The following TOX variants were observed in gnomAD, a reference collection of about 807,000 sequenced individuals.
TOX encodes thymocyte selection-associated high mobility group box protein TOX.
A neutral mutation model predicts 53.7 loss-of-function variants in TOX; 11 were observed. That is an observed-to-expected ratio of 0.20 (90% confidence interval 0.13 to 0.34). The LOEUF (loss-of-function observed/expected upper bound fraction) is 0.34. Among genes scored for constraint, TOX ranks in the 10% least tolerant of loss-of-function variants. The pLI is 1.00. For synonymous variants in TOX, 225 were observed against 245.3 expected, an observed-to-expected ratio of 0.92 and a Z score of 0.77; for missense variants, 570 against 664.6, an observed-to-expected ratio of 0.86 and a Z score of 1.56.
At chr8:59,087,697 A>G (rs572996405) in intron 1 of TOX, among the ~76,000 whole-genome samples, 1 of 152,324 alleles carries the variant, frequency 6.6e-6, no homozygotes, top group South Asian at 2.1e-4. Context: ...AATGTTCGAG[A>G]TGTTGGAGAA....
intron 3 of TOX, among the ~76,000 whole-genome samples, chr8:58,914,945 G>T (rs944807871): frequency 6.6e-6 from 1 of 152,004 alleles, no homozygotes; most frequent in African/African-American, 2.4e-5. Flanking sequence ...GGTGATGGAC[G>T]CACCTGGAAA....
chr8:59,101,291 C>T (rs548931913), intron 1 of TOX, among the ~76,000 whole-genome samples: 17 of 152,254 alleles, frequency 1.1e-4, no homozygotes, highest in African/African-American at 3.9e-4. Context: ...TCTATCCTCA[C>T]CATTTTAGCA....
intron 1 of TOX, among the ~76,000 whole-genome samples, chr8:58,979,709 T>C (rs1045215009): frequency 3.9e-5 from 6 of 152,224 alleles, no homozygotes; most frequent in Non-Finnish European, 8.8e-5. Flanking sequence ...ATGTCCAGTA[T>C]ATATTAAAAG....
At chr8:58,989,585 C>A (rs1156819390) in intron 1 of TOX, among the ~76,000 whole-genome samples, 1 of 152,144 alleles carries the variant, frequency 6.6e-6, no homozygotes, top group Non-Finnish European at 1.5e-5. Context: ...TTTTCCTTTA[C>A]TGTTAGCAAA....
At chr8:58,835,603 ACTAT>A (rs1400878621) in intron 5 of TOX, among the ~76,000 whole-genome samples, 5 of 152,230 alleles carry the variant, frequency 3.3e-5, no homozygotes, top group Non-Finnish European at 7.3e-5. Context: ...GCCTTGAGGA[ACTAT>A]CTGATTTTCA....
chr8:59,095,446 G>A (rs536680629), intron 1 of TOX, among the ~76,000 whole-genome samples: 117 of 152,158 alleles, frequency 7.7e-4, no homozygotes, highest in Non-Finnish European at 1.2e-3. Context: ...TCGCTCTGTC[G>A]CCCAGGCTGG....
chr8:59,065,755 T>C (rs577354788), intron 1 of TOX, among the ~76,000 whole-genome samples: 3 of 152,182 alleles, frequency 2.0e-5, no homozygotes, highest in Admixed American at 6.5e-5. Context: ...ATGTGGATTA[T>C]GGTAGGAACA....
chr8:59,066,226 T>C (rs761256913), intron 1 of TOX, among the ~76,000 whole-genome samples: 1 of 152,224 alleles, frequency 6.6e-6, no homozygotes, highest in Non-Finnish European at 1.5e-5. Context: ...GGACTTACAA[T>C]AGTTTCATAC....
chr8:59,053,406 C>A (rs567139112), intron 1 of TOX, among the ~76,000 whole-genome samples: 1 of 152,324 alleles, frequency 6.6e-6, no homozygotes, highest in Admixed American at 6.5e-5. Flanking sequence ...ACCACACTGC[C>A]TCTAGGATCT....
At chr8:58,926,887 G>GT (rs11377738) in intron 3 of TOX, among the ~76,000 whole-genome samples, 137,878 of 152,150 alleles carry the variant, frequency 0.91, 62,601 homozygotes, top group East Asian at 1. Flanking sequence ...AAATTACTGG[G>GT]TTTTGACAAA....
chr8:59,037,083 A>G, intron 1 of TOX, among the ~76,000 whole-genome samples: 1 of 151,980 alleles, frequency 6.6e-6, no homozygotes, highest in East Asian at 1.9e-4. Flanking sequence ...CATCTGTCAG[A>G]AATATCCTAC....
intron 1 of TOX, among the ~76,000 whole-genome samples, chr8:59,000,247 T>C (rs1033638897): frequency 1.3e-5 from 2 of 152,084 alleles, no homozygotes; most frequent in Non-Finnish European, 2.9e-5. Flanking sequence ...TAAAGCTTAA[T>C]CAAATTGATT....
At chr8:58,870,196 C>A (rs2875868) in intron 3 of TOX, among the ~76,000 whole-genome samples, 56,136 of 151,864 alleles carry the variant, frequency 0.37, 10,508 homozygotes, top group South Asian at 0.43. Flanking sequence ...TAAAAAAAAT[C>A]TCCTGGAAAT....
At chr8:58,813,483 C>T (rs1032929802) in intron 7 of TOX, among the ~76,000 whole-genome samples, 3 of 152,188 alleles carry the variant, frequency 2.0e-5, no homozygotes, top group Admixed American at 2.0e-4. Context: ...CCAAGGGTGG[C>T]ATCCTCCAAA....
At chr8:59,054,020 G>A (rs1467080362) in intron 1 of TOX, among the ~76,000 whole-genome samples, 1 of 152,140 alleles carries the variant, frequency 6.6e-6, no homozygotes, top group Non-Finnish European at 1.5e-5. Context: ...ATATCAGAGA[G>A]TGGTGAAAGA....
chr8:58,864,413 A>G (rs1811061454), intron 3 of TOX, among the ~76,000 whole-genome samples: 1 of 152,180 alleles, frequency 6.6e-6, no homozygotes, highest in South Asian at 2.1e-4. Context: ...AAACAAAAAT[A>G]AAAAATACAC....
chr8:58,844,622 G>A (rs1054584229), intron 4 of TOX, among the ~76,000 whole-genome samples: 10 of 152,056 alleles, frequency 6.6e-5, no homozygotes, highest in Non-Finnish European at 1.0e-4. Flanking sequence ...GTATTCTACA[G>A]CAGTGGGCAG....
chr8:58,832,116 TATATA>T (rs931568234), intron 5 of TOX, among the ~76,000 whole-genome samples: 10 of 148,190 alleles, frequency 6.7e-5, no homozygotes, highest in Middle Eastern at 7.1e-3. Flanking sequence ...TATGTGGATA[TATATA>T]ATATATGTAA....
chr8:59,041,348 C>G (rs964898629), intron 1 of TOX, among the ~76,000 whole-genome samples: 23 of 152,078 alleles, frequency 1.5e-4, no homozygotes, highest in African/African-American at 5.3e-4. Context: ...GCATCAGTGT[C>G]CCCAAACTCA....
Sources: allele counts gnomAD v4.1 joint callset (sites outside exome capture counted in the v4.1 genomes callset), GRCh38; gene constraint gnomAD v4.1.1; transcripts MANE v1.5; gene names NCBI Gene and HGNC (gene_info 2026-07-23, HGNC 2026-07-21).